Variants in ARNT2 observed in about 807,000 individuals in gnomAD.
ARNT2 encodes ARNT protein 2.
In ARNT2, 36 loss-of-function variants were observed where a neutral mutation model predicts 91.7. The observed-to-expected ratio is 0.39, with a 90% CI of 0.30 to 0.52. The LOEUF (loss-of-function observed/expected upper bound fraction) is 0.52. Ranked by LOEUF, ARNT2 falls within the 20% of genes least tolerant of loss-of-function variation. The probability of loss-of-function intolerance (pLI) is 0.72; values close to 1 mark genes in which losing one functional copy is unlikely to be tolerated. For synonymous variants in ARNT2, 365 were observed against 347.1 expected, an observed-to-expected ratio of 1.05 and a Z score of -0.57; for missense variants, 775 against 939.3, an observed-to-expected ratio of 0.83 and a Z score of 2.29.
chr15:80,477,690 C>A (rs180830764), intron 5 of ARNT2, among the ~76,000 whole-genome samples: 1 of 152,298 alleles, frequency 6.6e-6, no homozygotes, highest in African/African-American at 2.4e-5. Context: ...AATTAGGGCT[C>A]ACCCATATGA....
intron 14 of ARNT2, 121 bp downstream of exon 14, chr15:80,575,231 GCAGGGTATAAAAATA>G: frequency 1.5e-6 from 2 of 1,338,020 alleles, no homozygotes; most frequent in Admixed American, 3.9e-5. Context: ...AGTAACCATT[GCAGGGTATAAAAATA>G]CACGAGTTGG....
intron 12 of ARNT2, among the ~76,000 whole-genome samples, chr15:80,567,779 T>G (rs1245818816): frequency 6.6e-6 from 1 of 152,192 alleles, no homozygotes; most frequent in African/African-American, 2.4e-5. Context: ...ACCAGAAGCC[T>G]CAATCTGTGT....
chr15:80,450,611 A>C (rs979251530), intron 1 of ARNT2, among the ~76,000 whole-genome samples: 1 of 152,208 alleles, frequency 6.6e-6, no homozygotes, highest in African/African-American at 2.4e-5. Flanking sequence ...AAAGCTGCTA[A>C]GCTCTTTTAA....
At chr15:80,426,101 G>A (rs959320304) in intron 1 of ARNT2, among the ~76,000 whole-genome samples, 2 of 137,474 alleles carry the variant, frequency 1.5e-5, no homozygotes, top group Admixed American at 7.5e-5. Context: ...TATAGGATAC[G>A]TTTCTTTTTC....
In ARNT2 at chr15:80,593,807, A is replaced by C; in HGVS notation, c.*109A>C. 3.1e-6 allele frequency: 3 copies of C among 978,648 alleles called. No homozygotes were observed. Among genetic ancestry groups the C allele is most frequent in the Non-Finnish European group, 3.1e-6 (2 of 653,646 alleles). The allele number at this position is 978,648 out of a possible 1,614,324, so 60.6% of individuals were successfully genotyped here. On this transcript the variant is annotated 3_prime_UTR_variant, in exon 19 of 19. Transcript: ENST00000303329. ...CTGCTTGCCCTGCCGCAGGCCCCCC[A>C]CCAGAAGCCATCTCCCCCGCTGTGT...
chr15:80,439,034 A>G (rs2141576117), intron 1 of ARNT2, among the ~76,000 whole-genome samples: 1 of 152,328 alleles, frequency 6.6e-6, no homozygotes, highest in Non-Finnish European at 1.5e-5. Context: ...ATTGATTTGC[A>G]CACAAATTTT....
At chr15:80,572,512 C>T (rs1458256222) in intron 12 of ARNT2, among the ~76,000 whole-genome samples, 1 of 151,668 alleles carries the variant, frequency 6.6e-6, no homozygotes, top group Admixed American at 6.6e-5. Context: ...TCTTCCTACC[C>T]ACAGAATATC....
rs1046072807 is a variant in ARNT2 at position 80,594,884 on chromosome 15, G to T, written c.*1186G>T. 6.6e-6 allele frequency: 1 copy of T among 152,194 alleles called. No homozygotes were observed. Among genetic ancestry groups the T allele is most frequent in the East Asian group, 1.9e-4 (1 of 5,180 alleles). The allele number at this position is 152,194 out of a possible 1,614,324, so 9.4% of individuals were successfully genotyped here. On this transcript the variant is annotated 3_prime_UTR_variant, in exon 19 of 19. Transcript: ENST00000303329. ...GCCCGACTGGAGGAACAGCAGCTCT[G>T]GGAGGCACAGAGTGCAGGTCTCAGG...
At chr15:80,439,654 T>C (rs1896156368) in intron 1 of ARNT2, among the ~76,000 whole-genome samples, 1 of 152,264 alleles carries the variant, frequency 6.6e-6, no homozygotes, top group Non-Finnish European at 1.5e-5. Flanking sequence ...GTTCATTTGG[T>C]TTCTGTTCAA....
At chr15:80,498,242 T>C (rs1485636546) in intron 5 of ARNT2, among the ~76,000 whole-genome samples, 1 of 152,188 alleles carries the variant, frequency 6.6e-6, no homozygotes, top group Non-Finnish European at 1.5e-5. Flanking sequence ...GAGGGGCTGT[T>C]GGATCATTGC....
At position 80,452,270 on chromosome 15, in the gene ARNT2, G is replaced by A. The variant is rs543165062; in HGVS notation, c.146+1276G>A. Among the ~76,000 whole-genome samples the A allele has an allele frequency of 2.7e-3, 411 of 152,306 alleles. 1 individual carries two copies. The highest frequency in any genetic ancestry group is 6.8e-3 in the Middle Eastern group (2 of 294). Reference sequence around the variant, plus strand: ...TGCCAGCTTTCCCTGTATTCAGCACGCTCACTTGCACTCGCTGGGTGCTGA... The same window carrying A: ...TGCCAGCTTTCCCTGTATTCAGCACACTCACTTGCACTCGCTGGGTGCTGA... On this transcript the variant is annotated intron_variant, in intron 2 of 18. Coordinates refer to ENST00000303329, the MANE Select transcript of ARNT2 (RefSeq NM_014862.4).
chr15:80,483,500 T>C (rs1896921031), intron 5 of ARNT2, among the ~76,000 whole-genome samples: 1 of 152,140 alleles, frequency 6.6e-6, no homozygotes, highest in Non-Finnish European at 1.5e-5. Flanking sequence ...ATGCTTGCTA[T>C]CTAGGGCAGA....
chr15:80,563,535 G>A (rs1395217680), intron 12 of ARNT2, among the ~76,000 whole-genome samples: 1 of 152,204 alleles, frequency 6.6e-6, no homozygotes, highest in East Asian at 1.9e-4. Flanking sequence ...CCCTGAGCAT[G>A]GACCTCAGCC....
intron 1 of ARNT2, among the ~76,000 whole-genome samples, chr15:80,437,381 C>A (rs1412108181): frequency 1.3e-5 from 2 of 152,198 alleles, no homozygotes; most frequent in African/African-American, 2.4e-5. Flanking sequence ...GTCTTCTCTC[C>A]TCTTTTGTGG....
intron 8 of ARNT2, among the ~76,000 whole-genome samples, chr15:80,522,099 A>G (rs952211333): frequency 3.3e-4 from 51 of 152,318 alleles, no homozygotes; most frequent in African/African-American, 1.1e-3. Context: ...TATATTCACA[A>G]ATATAGTAAG....
intron 1 of ARNT2, among the ~76,000 whole-genome samples, chr15:80,435,250 C>T (rs1045501487): frequency 2.6e-5 from 4 of 152,178 alleles, no homozygotes; most frequent in Non-Finnish European, 5.9e-5. Flanking sequence ...CAGCTCTGCC[C>T]GAGGTTCTCT....
At chr15:80,407,258 A>C (rs1046523179) in intron 1 of ARNT2, among the ~76,000 whole-genome samples, 11 of 152,130 alleles carry the variant, frequency 7.2e-5, no homozygotes, top group African/African-American at 2.7e-4. Flanking sequence ...CCAGCTGACC[A>C]CTTCACAACA....
At chr15:80,419,890 T>A (rs990536339) in intron 1 of ARNT2, among the ~76,000 whole-genome samples, 1 of 152,160 alleles carries the variant, frequency 6.6e-6, no homozygotes, top group African/African-American at 2.4e-5. Flanking sequence ...TGGAACGCAG[T>A]GTAAGGCTCT....
intron 2 of ARNT2, among the ~76,000 whole-genome samples, chr15:80,457,472 C>T (rs1896497304): frequency 6.6e-6 from 1 of 152,176 alleles, no homozygotes; most frequent in South Asian, 2.1e-4. Flanking sequence ...CTTCTGTTTT[C>T]AAAATCCCGT....
Sources: gnomAD v4.1 joint callset for allele counts (sites outside exome capture counted in the v4.1 genomes callset) on GRCh38, gnomAD v4.1.1 for gene constraint, MANE v1.5 for transcripts, NCBI Gene and HGNC (gene_info 2026-07-23, HGNC 2026-07-21) for gene names.